KRT86: variants seen among roughly 807,000 people sequenced by gnomAD.
KRT86 encodes keratin 86, also known as keratin, type II cuticular Hb6.
In KRT86, 30 loss-of-function variants were observed where a neutral mutation model predicts 41.2. That is an observed-to-expected ratio of 0.73 (90% confidence interval 0.54 to 0.99). The LOEUF (loss-of-function observed/expected upper bound fraction) is 0.99, where lower values mean the gene tolerates loss of function less well. KRT86 is among the 50% of genes least tolerant of loss of function. KRT86 has a pLI of 0.00. For missense variants in KRT86, 561 were observed against 571.4 expected (o/e 0.98, Z 0.19); for synonymous variants, 238 against 238.1 (o/e 1.00, Z 0.00).
chr12:52,281,983 C>T (rs1348361960), intron 2 of KRT86, among the ~76,000 whole-genome samples: 2 of 152,080 alleles, frequency 1.3e-5, no homozygotes, highest in African/African-American at 4.8e-5. Flanking sequence ...TCAAGCAATC[C>T]TCCTGCCTCA....
chr12:52,308,284 C>T lies in KRT86; in HGVS notation c.1279+20C>T, dbSNP rs1244123990. On this transcript the variant is annotated intron_variant, in intron 10 of 10. Coordinates refer to ENST00000423955, the MANE Select transcript of KRT86 (RefSeq NM_001320198.2). ...ATGTCTGTAAGTAGTGGGGTCCGTC[C>T]CCTCCTCCCGCTGGGCGGGTCTGGG... 1 of 1,614,170 alleles carries T rather than the reference C, an allele frequency of 6.2e-7. No homozygotes were observed. Among genetic ancestry groups the T allele is most frequent in the Non-Finnish European group, 8.5e-7 (1 of 1,180,022 alleles).
intron 2 of KRT86, chr12:52,287,032 C>T (rs978452210): frequency 6.3e-5 from 102 of 1,611,712 alleles, no homozygotes; most frequent in Non-Finnish European, 7.9e-5. Context: ...CATTGCTCAG[C>T]CAAGGCCAAG....
intron 2 of KRT86, chr12:52,288,018 C>A: frequency 6.2e-7 from 1 of 1,614,232 alleles, no homozygotes; most frequent in Non-Finnish European, 8.5e-7. Context: ...CTCGGCCCGG[C>A]TGCGGGTGAC....
At chr12:52,283,522 A>G (rs1225479840) in intron 2 of KRT86, among the ~76,000 whole-genome samples, 1 of 112,980 alleles carries the variant, frequency 8.9e-6, no homozygotes, top group Non-Finnish European at 1.7e-5. Flanking sequence ...CTTGTTGCCC[A>G]GGCTGGAATG....
chr12:52,297,156 G>A (rs189088099), intron 2 of KRT86, among the ~76,000 whole-genome samples: 1 of 152,328 alleles, frequency 6.6e-6, no homozygotes, highest in East Asian at 1.9e-4. Flanking sequence ...CCTAAAGCTT[G>A]TCCTCACCCT....
At chr12:52,279,842 C>T (rs1054021734) in intron 2 of KRT86, among the ~76,000 whole-genome samples, 1 of 152,150 alleles carries the variant, frequency 6.6e-6, no homozygotes, top group Admixed American at 6.5e-5. Flanking sequence ...CTCCATCCAT[C>T]CATTCACTCT....
intron 2 of KRT86, chr12:52,286,780 C>G: frequency 6.2e-7 from 1 of 1,613,824 alleles, no homozygotes; most frequent in South Asian, 1.1e-5. Flanking sequence ...CACTGGACCC[C>G]AAATACTCAC....
chr12:52,306,438 G>A (rs546733523), intron 9 of KRT86, among the ~76,000 whole-genome samples, 158 bp downstream of exon 9: 2 of 152,356 alleles, frequency 1.3e-5, no homozygotes, highest in East Asian at 1.9e-4. Context: ...ATCTAGCCCC[G>A]TTTGAGTCTC....
At chr12:52,298,158 C>T (rs958963295) in intron 2 of KRT86, among the ~76,000 whole-genome samples, 1 of 152,132 alleles carries the variant, frequency 6.6e-6, no homozygotes, top group Non-Finnish European at 1.5e-5. Flanking sequence ...GTTCCTTTGC[C>T]AAAGAGAAGA....
chr12:52,298,967 G>C (rs1053094443), intron 2 of KRT86, among the ~76,000 whole-genome samples: 7 of 152,032 alleles, frequency 4.6e-5, no homozygotes, highest in Admixed American at 2.6e-4. Flanking sequence ...ATCATTCCAA[G>C]CCTACTCCTT....
chr12:52,285,103 C>A (rs1243067749), intron 2 of KRT86, among the ~76,000 whole-genome samples: 2 of 152,190 alleles, frequency 1.3e-5, no homozygotes, highest in African/African-American at 2.4e-5. Flanking sequence ...ATATGAAATC[C>A]TTTAACTCAT....
intron 2 of KRT86, among the ~76,000 whole-genome samples, chr12:52,297,552 C>CA (rs1938279779): frequency 6.6e-6 from 1 of 152,144 alleles, no homozygotes; most frequent in Non-Finnish European, 1.5e-5. Context: ...GAGCACTGAA[C>CA]AAGAACTTTC....
At chr12:52,287,700 C>A (rs1342841308) in intron 2 of KRT86, 1 of 1,614,048 alleles carries the variant, frequency 6.2e-7, no homozygotes, top group Non-Finnish European at 8.5e-7. Context: ...TGCCTGATCA[C>A]CGTGGCCTTC....
intron 2 of KRT86, chr12:52,287,000 T>G (rs1336966216): frequency 6.2e-7 from 1 of 1,600,044 alleles, no homozygotes; most frequent in Non-Finnish European, 8.5e-7. Flanking sequence ...ATAATAATAT[T>G]TTTTTCCCCC....
At position 52,291,392 on chromosome 12, in the gene KRT86, C is replaced by A. The variant is rs1330372556; in HGVS notation, c.-4-10521C>A. The A allele has an allele frequency of 3.1e-6, 5 of 1,608,578 alleles. No individual in the cohort carries two copies. The African/African-American group carries it at 6.7e-5, about 21-fold the overall frequency. ...ACGGTAGGGGGCGGCGGTGATGCAG[C>A]AGCGGCCGGGCCGCGGCCCGCAGGC... is the stretch of plus-strand genomic sequence containing the variant. On this transcript the variant is annotated intron_variant, in intron 2 of 10. Transcript: ENST00000423955.
intron 2 of KRT86, chr12:52,289,250 C>T: frequency 8.2e-6 from 2 of 244,654 alleles, no homozygotes; most frequent in South Asian, 4.8e-5. Flanking sequence ...TCAGCTGTTG[C>T]TCTCAGAGAA....
intron 6 of KRT86, 37 bp from the exon 7 acceptor site, chr12:52,305,203 T>C: frequency 1.9e-6 from 3 of 1,614,140 alleles, no homozygotes; most frequent in Non-Finnish European, 2.5e-6. Flanking sequence ...GGTGGGGCTG[T>C]GTTCTCAACT....
intron 2 of KRT86, among the ~76,000 whole-genome samples, chr12:52,277,372 G>A (rs903761500): frequency 6.6e-6 from 1 of 152,220 alleles, no homozygotes; most frequent in Non-Finnish European, 1.5e-5. Flanking sequence ...GAACAGGTGT[G>A]CTCACTCCTT....
At chr12:52,291,442 A>G (rs1338643274) in intron 2 of KRT86, 5 of 1,612,734 alleles carry the variant, frequency 3.1e-6, no homozygotes, top group East Asian at 2.2e-5. Flanking sequence ...AGGCGCGCCC[A>G]CCAAATCCTG....
Sources: allele counts gnomAD v4.1 joint callset (sites outside exome capture counted in the v4.1 genomes callset), GRCh38; gene constraint gnomAD v4.1.1; transcripts MANE v1.5; gene names NCBI Gene and HGNC (gene_info 2026-07-23, HGNC 2026-07-21).